The following COL9A3 variants were observed in gnomAD, a reference collection of about 807,000 sequenced individuals.
The protein encoded by COL9A3 is collagen type IX alpha 3 chain.
Under a neutral mutation model 110.2 loss-of-function variants are expected in COL9A3, and 82 were observed. The observed-to-expected ratio is 0.74, with a 90% CI of 0.62 to 0.89. The LOEUF (loss-of-function observed/expected upper bound fraction) is 0.89. Among genes scored for constraint, COL9A3 ranks in the 40% least tolerant of loss-of-function variants. The pLI is 0.00. For synonymous variants in COL9A3, 494 were observed against 403.8 expected (o/e 1.22, Z -2.68); for missense variants, 1,066 against 981.3 (o/e 1.09, Z -1.15).
upstream of COL9A3, among the ~76,000 whole-genome samples, chr20:62,816,492 G>C (rs1222408212): frequency 1.3e-5 from 2 of 152,240 alleles, no homozygotes; most frequent in East Asian, 3.9e-4. Flanking sequence ...ACGGGTGAGG[G>C]GCCGCGGTGG....
At chr20:62,836,825 T>G in intron 29 of COL9A3, 1 of 632,056 alleles carries the variant, frequency 1.6e-6, no homozygotes, top group South Asian at 1.9e-5. Flanking sequence ...TGTGCCCCTG[T>G]GGCTGGCAGG....
chr20:62,819,192 T>G (rs1305809869), intron 3 of COL9A3, 30 bp from the exon 4 acceptor site: 1 of 1,608,524 alleles, frequency 6.2e-7, no homozygotes, highest in African/African-American at 1.3e-5. Flanking sequence ...AGACCCCGCC[T>G]TCACATCTCT....
Position 62,826,744 on chromosome 20 carries a change from C to T in COL9A3, c.739-23C>T, listed in dbSNP as rs754392474. On this transcript the variant is annotated intron_variant, in intron 14 of 31. Transcript: ENST00000649368. Reference sequence around the variant, plus strand: ...AGCCAGGCCTCAGACAAGAGGACCCCGGATCCCCTCTCTCCTCTGCAGGGT... The same window carrying T: ...AGCCAGGCCTCAGACAAGAGGACCCTGGATCCCCTCTCTCCTCTGCAGGGT... The T allele has an allele frequency of 3.9e-5, 63 of 1,611,920 alleles. 1 individual carries two copies. The South Asian group carries it at 4.8e-4, about 12-fold the overall frequency.
chr20:62,835,146 G>T (rs768002545), intron 26 of COL9A3, among the ~76,000 whole-genome samples: 1 of 152,236 alleles, frequency 6.6e-6, no homozygotes, highest in Admixed American at 6.5e-5. Flanking sequence ...GTCTGGGCCC[G>T]GTCGGTCCCT....
In COL9A3 at chr20:62,828,988, G is replaced by C. The variant is rs114458036; in HGVS notation, c.1008+12G>C. 319,724 of 1,593,186 alleles carry C rather than the reference G, an allele frequency of 0.2. 33,534 individuals are homozygous for C. The highest frequency in any genetic ancestry group is 0.36 in the African/African-American group (26,645 of 74,614). ...CCAACGGGCTGCCGGTGAGTGCCCG[G>C]CGGGTGGGGCCAGCCTGGGGCGCCA... is the stretch of plus-strand genomic sequence containing the variant. On this transcript the variant is annotated intron_variant, in intron 19 of 31. Transcript: ENST00000649368.
chr20:62,838,979 C>T (rs2063654871), intron 31 of COL9A3, among the ~76,000 whole-genome samples: 1 of 152,132 alleles, frequency 6.6e-6, no homozygotes, highest in Non-Finnish European at 1.5e-5. Context: ...AATCCCAGCA[C>T]TTTGGGAGGC....
At chr20:62,816,677 ACTCGCGGGT>A (rs1990920474), upstream of COL9A3, among the ~76,000 whole-genome samples, 1 of 151,646 alleles carries the variant, frequency 6.6e-6, no homozygotes, top group Non-Finnish European at 1.5e-5. Flanking sequence ...GGCTTCGGAA[ACTCGCGGGT>A]CTCCCCTGCC....
rs376457526 is a variant in COL9A3 at position 62,818,223 on chromosome 20, G to T, written c.148-295G>T. Among the ~76,000 whole-genome samples the T allele has an allele frequency of 8.7e-3, 1,320 of 152,288 alleles. 20 individuals carry two copies. Among genetic ancestry groups the T allele is most frequent in the South Asian group, 0.048 (234 of 4,830 alleles). On this transcript the variant is annotated intron_variant, in intron 2 of 31. Coordinates refer to ENST00000649368, the MANE Select transcript of COL9A3 (RefSeq NM_001853.4). ...CCACGCTGTGTGGTCCCCGTGGAGG[G>T]CTGTGGAGGGCTGCACCAAGAGCCC...
At position 62,819,979 on chromosome 20, in the gene COL9A3, A is replaced by G. The variant is rs142531814; in HGVS notation, c.306A>G (p.Glu102=). The G allele has an allele frequency of 1.8e-5, 29 of 1,612,300 alleles. No homozygotes were observed. The African/African-American group carries it at 3.9e-4, about 22-fold the overall frequency. ...CTGGACCCAAGGGTGCCCCTGGGGA[A>G]CGGGTAAGTGCCTGCGCCGAACCCA... is the stretch of plus-strand genomic sequence containing the variant. The part of the protein sequence containing the change: ...GPPGPKGAPG[E]RGSLGPPGPP... Residue 102 remains glutamate (E), a synonymous_variant, in exon 5 of 32, where the codon GAA becomes GAG. Transcript: ENST00000649368.
In COL9A3 at chr20:62,828,905, C is replaced by T. The variant is rs1224378366; in HGVS notation, c.955-18C>T. Reference sequence around the variant, plus strand: ...GGCCTCAGCCTCCCCTTCCGCACCCCAATCTCTGTCCTCACAGGGAGAGGC... The same window carrying T: ...GGCCTCAGCCTCCCCTTCCGCACCCTAATCTCTGTCCTCACAGGGAGAGGC... On this transcript the variant is annotated intron_variant, in intron 18 of 31. Coordinates refer to ENST00000649368, the MANE Select transcript of COL9A3 (RefSeq NM_001853.4). 6.2e-7 allele frequency: 1 copy of T among 1,612,484 alleles called. No homozygotes were observed. The highest frequency in any genetic ancestry group is 8.5e-7 in the Non-Finnish European group (1 of 1,179,882).
Position 62,841,078 on chromosome 20 carries a change from A to G in COL9A3, c.*346A>G. ...ACTATGATCTCATCCCAATAAAATG[A>G]TATATTAAACCTTCAGATTAATGAC... On this transcript the variant is annotated 3_prime_UTR_variant, in exon 32 of 32. Transcript: ENST00000649368. 1 of 258,090 alleles carries G rather than the reference A, an allele frequency of 3.9e-6. No homozygotes were observed. The highest frequency in any genetic ancestry group is 4.6e-5 in the South Asian group (1 of 21,712). 16.0% of individuals were successfully genotyped at this position (258,090 alleles called of 1,614,324 possible). A position where few individuals can be genotyped will look rare whatever the true frequency, so the allele number is the denominator to read the frequency against.
chr20:62,819,875 G>T (rs1259221060), intron 4 of COL9A3, 54 bp from the exon 5 acceptor site: 1 of 1,603,708 alleles, frequency 6.2e-7, no homozygotes, highest in Non-Finnish European at 8.5e-7. Context: ...TTGCCTGGGG[G>T]GTGGCATGTG....
intron 15 of COL9A3, among the ~76,000 whole-genome samples, 186 bp from the exon 16 acceptor site, chr20:62,827,055 G>A (rs1026073566): frequency 2.6e-5 from 4 of 152,096 alleles, no homozygotes; most frequent in Non-Finnish European, 5.9e-5. Context: ...GGTCACCATC[G>A]TCCCTCTGGC....
chr20:62,840,392 G>T, intron 31 of COL9A3, 150 bp from the exon 32 acceptor site: 1 of 663,424 alleles, frequency 1.5e-6, no homozygotes, highest in Non-Finnish European at 2.5e-6. Context: ...GCCTTTGTGT[G>T]CCGTTCCCTC....
intron 10 of COL9A3, 135 bp from the exon 11 acceptor site, chr20:62,824,310 C>T: frequency 1.1e-6 from 1 of 874,718 alleles, no homozygotes; most frequent in East Asian, 2.7e-5. Flanking sequence ...GGGGTCCTGT[C>T]ACCATGAGGA....
rs1447183504 is a variant in COL9A3, at chr20:62,840,747, A to C, written c.*15A>C. 6.4e-7 allele frequency: 1 copy of C among 1,556,568 alleles called. No homozygotes were observed. The highest frequency in any genetic ancestry group is 1.4e-5 in the African/African-American group (1 of 73,458). On this transcript the variant is annotated 3_prime_UTR_variant, in exon 32 of 32. Coordinates refer to ENST00000649368, the MANE Select transcript of COL9A3 (RefSeq NM_001853.4). ...GAAGCTCATAAAATTCAACGTGAGG[A>C]AGCAAGTGACAAGGACGCCCGAAGC...
chr20:62,817,014 C>T, upstream of COL9A3: 1 of 1,120,460 alleles, frequency 8.9e-7, no homozygotes, highest in South Asian at 4.1e-5. Context: ...TCCCGCCCCG[C>T]CCGCCCGCGC....
At chr20:62,820,195 G>A (rs1991074017) in intron 5 of COL9A3, among the ~76,000 whole-genome samples, 2 of 152,170 alleles carry the variant, frequency 1.3e-5, no homozygotes, top group Non-Finnish European at 2.9e-5. Flanking sequence ...GGTCAGAGTT[G>A]TCCTGGTATC....
upstream of COL9A3, chr20:62,817,004 T>TCCCGCCCCG (rs1460826416): frequency 1.9e-5 from 19 of 1,016,774 alleles, no homozygotes; most frequent in Non-Finnish European, 2.2e-5. Flanking sequence ...GCCGCCCACC[T>TCCCGCCCCG]CCCGCCCCGC....
Sources: allele counts gnomAD v4.1 joint callset (sites outside exome capture counted in the v4.1 genomes callset), GRCh38; gene constraint gnomAD v4.1.1; transcripts MANE v1.5; gene names NCBI Gene and HGNC (gene_info 2026-07-23, HGNC 2026-07-21).